ATP6V0D1: variants seen among roughly 807,000 people sequenced by gnomAD.
The protein encoded by ATP6V0D1 is ATPase H+ transporting V0 subunit d1.
ATP6V0D1 carries 13 observed loss-of-function variants against 39.0 expected under a neutral mutation model. The observed-to-expected ratio is 0.33, with a 90% CI of 0.22 to 0.53. The LOEUF (loss-of-function observed/expected upper bound fraction) is 0.53, where lower values mean the gene tolerates loss of function less well. Ranked by LOEUF, ATP6V0D1 falls within the 20% of genes least tolerant of loss-of-function variation. The pLI is 0.94. For missense variants in ATP6V0D1, 272 were observed against 470.9 expected (o/e 0.58, Z 3.91); for synonymous variants, 191 against 191.2 (o/e 1.00, Z 0.01).
chr16:67,446,552 C>A (rs1181338771), intron 2 of ATP6V0D1, among the ~76,000 whole-genome samples: 3 of 152,324 alleles, frequency 2.0e-5, no homozygotes, highest in Non-Finnish European at 1.5e-5. Context: ...GAGTGAGGGA[C>A]CTCAGAGCTC....
intron 2 of ATP6V0D1, chr16:67,445,907 G>A: frequency 2.2e-6 from 1 of 455,780 alleles, no homozygotes; most frequent in Non-Finnish European, 4.4e-6. Flanking sequence ...GATGAACTCA[G>A]GGTATGAGGG....
chr16:67,451,726 G>C (rs1466087381), intron 2 of ATP6V0D1, among the ~76,000 whole-genome samples: 1 of 151,382 alleles, frequency 6.6e-6, no homozygotes, highest in Non-Finnish European at 1.5e-5. Context: ...ATGAATGGAA[G>C]GGGTGGGAAG....
intron 2 of ATP6V0D1, among the ~76,000 whole-genome samples, chr16:67,452,599 A>G (rs2041193895): frequency 6.6e-6 from 1 of 152,134 alleles, no homozygotes; most frequent in African/African-American, 2.4e-5. Context: ...CATACTGCAC[A>G]CTCACACTCT....
Position 67,438,212 on chromosome 16 carries a change from T to G in ATP6V0D1, c.*316A>C. 1.6e-5 allele frequency: 5 copies of G among 318,852 alleles called. No homozygotes were observed. The highest frequency in any genetic ancestry group is 6.8e-5 in the South Asian group (2 of 29,470). The allele number at this position is 318,852 out of a possible 1,614,324, so 19.8% of individuals were successfully genotyped here. On this transcript the variant is annotated 3_prime_UTR_variant, in exon 8 of 8. Transcript: ENST00000290949. ...GCCCCAGGGTTCTCAGGTCAGGGAG[T>G]TAGGGAGGAACATGAAAGTGACATG...
intron 1 of ATP6V0D1, among the ~76,000 whole-genome samples, chr16:67,462,827 C>CA (rs397969611): frequency 0.11 from 11,031 of 99,760 alleles, 1,330 homozygotes; most frequent in African/African-American, 0.32. Flanking sequence ...GACTCTGTCT[C>CA]AAAAAAAAAA....
intron 1 of ATP6V0D1, among the ~76,000 whole-genome samples, chr16:67,474,138 G>T (rs1033931727): frequency 5.3e-5 from 8 of 152,172 alleles, no homozygotes; most frequent in Non-Finnish European, 1.0e-4. Flanking sequence ...TGACATACTT[G>T]TATTAGCCAC....
chr16:67,451,334 G>A (rs771434398), intron 2 of ATP6V0D1, among the ~76,000 whole-genome samples: 2 of 152,184 alleles, frequency 1.3e-5, no homozygotes, highest in Non-Finnish European at 2.9e-5. Flanking sequence ...GATGGACCAG[G>A]GAACTTCAGT....
chr16:67,463,546 A>T (rs1481758439), intron 1 of ATP6V0D1, among the ~76,000 whole-genome samples: 1 of 152,082 alleles, frequency 6.6e-6, no homozygotes, highest in Non-Finnish European at 1.5e-5. Flanking sequence ...GAAAGAAAAA[A>T]GAAAGAGGGA....
chr16:67,469,704 T>G (rs1490318579), intron 1 of ATP6V0D1, among the ~76,000 whole-genome samples: 1 of 152,194 alleles, frequency 6.6e-6, no homozygotes, highest in Non-Finnish European at 1.5e-5. Context: ...GGCTGCTGGG[T>G]GTGGGTACCC....
Position 67,453,941 on chromosome 16 carries a change from A to G in ATP6V0D1, c.131-226T>C, listed in dbSNP as rs1463907367. 6.6e-6 allele frequency among the ~76,000 whole-genome samples: 1 copy of G among 152,172 alleles called. No individual in the cohort carries two copies. Among genetic ancestry groups the G allele is most frequent in the Non-Finnish European group, 1.5e-5 (1 of 68,024 alleles). On this transcript the variant is annotated intron_variant, in intron 1 of 7. Transcript: ENST00000290949. The surrounding 1 kb of genome is among the most constrained non-coding windows in gnomAD (Gnocchi z 4.1). ...CCACAATCCAGCACATGGAGCCCCA[A>G]AGTTCGAGCATAAGAGGAACAGTTC...
chr16:67,438,457 A>G lies in ATP6V0D1; in HGVS notation c.*71T>C. On this transcript the variant is annotated 3_prime_UTR_variant, in exon 8 of 8. Coordinates refer to ENST00000290949, the MANE Select transcript of ATP6V0D1 (RefSeq NM_004691.5). ...GGCTTGTCACAGACCACATACACAC[A>G]CACGCACACACACGCGCACACACAC... 1 of 1,539,204 alleles carries G rather than the reference A, an allele frequency of 6.5e-7. No homozygotes were observed. Among genetic ancestry groups the G allele is most frequent in the Non-Finnish European group, 8.8e-7 (1 of 1,136,354 alleles).
chr16:67,444,784 C>A lies in ATP6V0D1; in HGVS notation c.303-78G>T. On this transcript the variant is annotated intron_variant, in intron 2 of 7. Coordinates refer to ENST00000290949, the MANE Select transcript of ATP6V0D1 (RefSeq NM_004691.5). The surrounding 1 kb of genome is among the most constrained non-coding windows in gnomAD (Gnocchi z 4.8). Reference sequence around the variant, plus strand: ...CCTGGCATAGCACCATGCCCTCGCCCGCCTGCACAGGCCATCACCCCTTAA... The same window carrying A: ...CCTGGCATAGCACCATGCCCTCGCCAGCCTGCACAGGCCATCACCCCTTAA... The A allele has an allele frequency of 7.4e-7, 1 of 1,359,868 alleles. No individual in the cohort carries two copies. Among genetic ancestry groups the A allele is most frequent in the East Asian group, 2.5e-5 (1 of 39,342 alleles). 84.2% of individuals were successfully genotyped at this position (1,359,868 alleles called of 1,614,324 possible). A position where few individuals can be genotyped will look rare whatever the true frequency, so the allele number is the denominator to read the frequency against.
Position 67,453,899 on chromosome 16 carries a change from T to C in ATP6V0D1, c.131-184A>G, listed in dbSNP as rs1041518288. On this transcript the variant is annotated intron_variant, in intron 1 of 7. Coordinates refer to ENST00000290949, the MANE Select transcript of ATP6V0D1 (RefSeq NM_004691.5). The surrounding 1 kb of genome is among the most constrained non-coding windows in gnomAD (Gnocchi z 4.1). ...GGGCAATCAGCTAAGGCCCTGGAGA[T>C]GCACCAGATCTTTGGGCCACAATCC... Among the ~76,000 whole-genome samples, 1 of 152,100 alleles carries C rather than the reference T, an allele frequency of 6.6e-6. No homozygotes were observed. Among genetic ancestry groups the C allele is most frequent in the Admixed American group, 6.6e-5 (1 of 15,266 alleles).
At chr16:67,459,978 CAG>C (rs944535009) in intron 1 of ATP6V0D1, among the ~76,000 whole-genome samples, 2 of 152,268 alleles carry the variant, frequency 1.3e-5, no homozygotes, top group Non-Finnish European at 2.9e-5. Flanking sequence ...TGTGAGAGGA[CAG>C]AGTGTTCCCA....
chr16:67,439,646 C>T (rs72650141), intron 4 of ATP6V0D1: 9 of 453,756 alleles, frequency 2.0e-5, no homozygotes, highest in African/African-American at 1.4e-4. Flanking sequence ...AGGCTGGGCT[C>T]GCAGGGGTCC....
At chr16:67,455,718 C>T (rs759441969) in intron 1 of ATP6V0D1, 2 of 152,184 alleles carry the variant, frequency 1.3e-5, no homozygotes, top group South Asian at 2.1e-4. Context: ...TACCCCAGGC[C>T]GTCTGCAATG....
intron 2 of ATP6V0D1, among the ~76,000 whole-genome samples, chr16:67,446,431 A>G (rs1355761409): frequency 1.3e-5 from 2 of 152,208 alleles, no homozygotes; most frequent in African/African-American, 2.4e-5. Context: ...GAGAAGAGAC[A>G]GTCCCCTAAC....
Position 67,438,480 on chromosome 16 carries a change from C to A in ATP6V0D1, c.*48G>T, listed in dbSNP as rs777999629. The A allele has an allele frequency of 7.5e-6, 12 of 1,602,606 alleles. No individual in the cohort carries two copies. Among genetic ancestry groups the A allele is most frequent in the African/African-American group, 2.7e-5 (2 of 74,612 alleles). Reference sequence around the variant, plus strand: ...ACACACGCACACACACGCGCACACACACACACACACACACAAAGAGTGCAA... The same window carrying A: ...ACACACGCACACACACGCGCACACAAACACACACACACACAAAGAGTGCAA... On this transcript the variant is annotated 3_prime_UTR_variant, in exon 8 of 8. Coordinates refer to ENST00000290949, the MANE Select transcript of ATP6V0D1 (RefSeq NM_004691.5).
intron 1 of ATP6V0D1, chr16:67,457,334 G>C (rs2041247765): frequency 3.1e-6 from 1 of 318,072 alleles, no homozygotes; most frequent in South Asian, 2.6e-5. Flanking sequence ...GCAGGCCTGG[G>C]GGATTCTATC....
Sources: gnomAD v4.1 joint callset for allele counts (sites outside exome capture counted in the v4.1 genomes callset) on GRCh38, gnomAD v4.1.1 for gene constraint, Gnocchi (gnomAD v3.1) non-coding constraint, MANE v1.5 for transcripts, NCBI Gene and HGNC (gene_info 2026-07-23, HGNC 2026-07-21) for gene names.